The following PCDHA3 variants were observed in gnomAD, a reference collection of about 807,000 sequenced individuals.
The protein encoded by PCDHA3 is protocadherin alpha-3.
A neutral mutation model predicts 62.2 loss-of-function variants in PCDHA3; 41 were observed. The observed-to-expected ratio is 0.66, with a 90% confidence interval of 0.51 to 0.86. PCDHA3 has a LOEUF of 0.86. PCDHA3 is among the 40% of genes least tolerant of loss of function. PCDHA3 has a pLI of 0.00. For missense variants in PCDHA3, 1,304 were observed against 1,241.2 expected, an observed-to-expected ratio of 1.05 and a Z score of -0.76; for synonymous variants, 640 against 555.4, an observed-to-expected ratio of 1.15 and a Z score of -2.14.
At chr5:140,918,129 T>C (rs1299993749) in intron 1 of PCDHA3, among the ~76,000 whole-genome samples, 2 of 152,198 alleles carry the variant, frequency 1.3e-5, no homozygotes, top group African/African-American at 2.4e-5. Flanking sequence ...GCCATATTCC[T>C]AGGTATTTTC....
intron 1 of PCDHA3, among the ~76,000 whole-genome samples, chr5:140,944,014 C>A (rs1205860914): frequency 1.3e-5 from 2 of 152,022 alleles, no homozygotes; most frequent in African/African-American, 2.4e-5. Context: ...CCCCCAAAAG[C>A]AATTATCTTC....
intron 1 of PCDHA3, chr5:140,862,291 C>A (rs1029513176): frequency 7.5e-6 from 2 of 265,238 alleles, no homozygotes; most frequent in Admixed American, 4.8e-5. Flanking sequence ...TACAGGAGGA[C>A]GCTCCACTGG....
rs781959040 is a variant in PCDHA3 at position 140,968,057 on chromosome 5, C to A, written c.2395-10892C>A. 2.5e-6 allele frequency: 4 copies of A among 1,613,992 alleles called. 1 individual carries two copies. Among genetic ancestry groups the A allele is most frequent in the South Asian group, 2.2e-5 (2 of 91,082 alleles). ...GGTGAGCGGCCCACTGGACCGAGAGCGGGTGGCTGTCTACAACATCACGGT... is the reference window on the plus strand; with the variant it reads ...GGTGAGCGGCCCACTGGACCGAGAGAGGGTGGCTGTCTACAACATCACGGT... On this transcript the variant is annotated intron_variant, in intron 1 of 3. Transcript: ENST00000522353.
At chr5:140,943,200 G>A (rs2093432800) in intron 1 of PCDHA3, among the ~76,000 whole-genome samples, 1 of 140,910 alleles carries the variant, frequency 7.1e-6, no homozygotes, top group Non-Finnish European at 1.5e-5. Context: ...GGAGGCTGCA[G>A]TAAGCCAAGA....
intron 1 of PCDHA3, chr5:140,829,803 G>A: frequency 6.2e-7 from 1 of 1,613,884 alleles, no homozygotes; most frequent in Non-Finnish European, 8.5e-7. Flanking sequence ...CCTCGGGTGG[G>A]TGGTACTGGT....
At chr5:140,891,223 C>T (rs903810382) in intron 1 of PCDHA3, among the ~76,000 whole-genome samples, 19 of 152,110 alleles carry the variant, frequency 1.2e-4, no homozygotes, top group Non-Finnish European at 2.2e-4. Flanking sequence ...TCTTTATAAT[C>T]ATCCTGTTCT....
chr5:140,929,058 A>G (rs372120484), intron 1 of PCDHA3: 2 of 1,614,072 alleles, frequency 1.2e-6, no homozygotes, highest in African/African-American at 2.7e-5. Context: ...GTCGCTCTAC[A>G]GAGGATCTGA....
At chr5:140,863,518 C>T (rs1339237201) in intron 1 of PCDHA3, 13 of 402,142 alleles carry the variant, frequency 3.2e-5, no homozygotes, top group Middle Eastern at 7.3e-4. Context: ...AGTGTTCTCC[C>T]ATGGTTCAGA....
At chr5:140,929,404 G>T (rs530409256) in intron 1 of PCDHA3, 1 of 1,506,596 alleles carries the variant, frequency 6.6e-7, no homozygotes, top group South Asian at 1.4e-5. Flanking sequence ...TCTTAGACAA[G>T]CCTTTCACAA....
intron 1 of PCDHA3, chr5:140,829,244 G>A (rs1386334343): frequency 1.2e-5 from 19 of 1,614,148 alleles, no homozygotes; most frequent in Admixed American, 3.3e-5. Context: ...CAACGGGCAG[G>A]TGAACTGCTC....
intron 1 of PCDHA3, among the ~76,000 whole-genome samples, chr5:140,946,403 CATAGAA>C (rs1425933072): frequency 1.3e-5 from 2 of 151,512 alleles, no homozygotes; most frequent in African/African-American, 2.4e-5. Flanking sequence ...TTAGTACAAT[CATAGAA>C]AACAATATGG....
At chr5:140,925,084 A>AGGAAGGAAGGAAGGAAGGAAGGAG (rs1554202501) in intron 1 of PCDHA3, among the ~76,000 whole-genome samples, 2 of 144,612 alleles carry the variant, frequency 1.4e-5, no homozygotes, top group African/African-American at 5.6e-5. Context: ...TCATCTGGAA[A>AGGAAGGAAGGAAGGAAGGAAGGAG]GGAAGGAAGG....
At chr5:140,862,828 G>A in intron 1 of PCDHA3, 1 of 572,818 alleles carries the variant, frequency 1.7e-6, no homozygotes, top group Non-Finnish European at 3.3e-6. Context: ...GAGAGCGCGC[G>A]ACGCGGGCAT....
chr5:140,808,720 T>A, intron 1 of PCDHA3: 1 of 1,612,064 alleles, frequency 6.2e-7, no homozygotes, highest in South Asian at 1.1e-5. Context: ...TTTCGGTGCA[T>A]GCGGAGAGCG....
chr5:140,888,421 G>T (rs1046155514), intron 1 of PCDHA3, among the ~76,000 whole-genome samples: 9 of 152,144 alleles, frequency 5.9e-5, no homozygotes. Context: ...ACATCCTACC[G>T]TGCACAGGAC....
chr5:140,857,735 G>A (rs782288464), intron 1 of PCDHA3: 1 of 1,597,334 alleles, frequency 6.3e-7, no homozygotes. Context: ...CAACGCTCCC[G>A]CGCTGCTGGC....
intron 1 of PCDHA3, chr5:140,870,821 G>A (rs782742871): frequency 6.2e-7 from 1 of 1,613,736 alleles, no homozygotes; most frequent in South Asian, 1.1e-5. Flanking sequence ...GGCAGCGCGG[G>A]AGGCGCAGTT....
intron 1 of PCDHA3, chr5:140,830,815 C>T (rs1341950748): frequency 6.4e-6 from 1 of 156,708 alleles, no homozygotes. Context: ...CATTTGTTTG[C>T]CTTTGAGCTT....
At chr5:140,966,764 G>T in intron 1 of PCDHA3, 1 of 1,475,264 alleles carries the variant, frequency 6.8e-7, no homozygotes, top group Non-Finnish European at 9.0e-7. Context: ...GCGGCCAGTG[G>T]CTATGGAGCA....
Sources: gnomAD v4.1 joint callset for allele counts (sites outside exome capture counted in the v4.1 genomes callset) on GRCh38, gnomAD v4.1.1 for gene constraint, MANE v1.5 for transcripts, NCBI Gene and HGNC (gene_info 2026-07-23, HGNC 2026-07-21) for gene names.